Variants in COL28A1 observed in about 807,000 individuals in gnomAD.
The protein encoded by COL28A1 is collagen alpha-1(XXVIII) chain.
A neutral mutation model predicts 150.2 loss-of-function variants in COL28A1; 161 were observed. That is an observed-to-expected ratio of 1.07 (90% CI 0.94 to 1.22). The LOEUF (loss-of-function observed/expected upper bound fraction) is 1.22, where lower values mean the gene tolerates loss of function less well. COL28A1 is among the 50% of genes most tolerant of loss of function. The pLI is 0.00. For synonymous variants in COL28A1, 552 were observed against 469.7 expected (o/e 1.18, Z -2.26); for missense variants, 1,617 against 1,388.3 (o/e 1.16, Z -2.62).
At position 7,520,908 on chromosome 7, in the gene COL28A1, A is replaced by G. The variant is rs140882223; in HGVS notation, c.760-793T>C. Among the ~76,000 whole-genome samples, 5 of 152,328 alleles carry G rather than the reference A, an allele frequency of 3.3e-5. No individual in the cohort carries two copies. In the East Asian group the frequency reaches 9.6e-4, roughly 29 times the overall value. On this transcript the variant is annotated intron_variant, in intron 5 of 34. Transcript: ENST00000399429. The stretch of plus-strand genomic sequence containing the variant: ...TTTGCTTTAGCCAAAGTCAGCTTCT[A>G]CTGGCTGCCCCACTATCATATAACG...
At chr7:7,361,714 G>C (rs897503333) in intron 33 of COL28A1, among the ~76,000 whole-genome samples, 1 of 151,944 alleles carries the variant, frequency 6.6e-6, no homozygotes. Context: ...TTAAGTTCTA[G>C]TATAAAGACA....
chr7:7,350,655 CTTTTTTT>C, the COL28A1 span, among the ~76,000 whole-genome samples: 1 of 115,072 alleles, frequency 8.7e-6, no homozygotes, highest in Non-Finnish European at 1.7e-5. Context: ...GTTTTCTTTC[CTTTTTTT>C]TTTTTTTTTT....
intron 15 of COL28A1, among the ~76,000 whole-genome samples, chr7:7,462,267 C>T (rs1038326378): frequency 1.3e-5 from 2 of 152,128 alleles, no homozygotes; most frequent in East Asian, 1.9e-4. Context: ...ACAGGGCCTA[C>T]CCAAATGAGA....
upstream of COL28A1, among the ~76,000 whole-genome samples, chr7:7,540,607 G>C (rs1191629007): frequency 1.3e-5 from 2 of 152,192 alleles, no homozygotes; most frequent in African/African-American, 2.4e-5. Context: ...AAATGCCCTA[G>C]AAAATTTTTA....
the COL28A1 span, among the ~76,000 whole-genome samples, chr7:7,349,450 T>C: frequency 6.6e-6 from 1 of 152,152 alleles, no homozygotes; most frequent in African/African-American, 2.4e-5. Context: ...CCCTCAGTAC[T>C]TAGCTGAATG....
intron 11 of COL28A1, among the ~76,000 whole-genome samples, chr7:7,495,561 G>A (rs1780162852): frequency 6.6e-6 from 1 of 152,114 alleles, no homozygotes; most frequent in African/African-American, 2.4e-5. Flanking sequence ...TCAGGGAAGG[G>A]CACCAGAATC....
At chr7:7,375,023 C>T (rs1278410684) in intron 31 of COL28A1, among the ~76,000 whole-genome samples, 1 of 152,156 alleles carries the variant, frequency 6.6e-6, no homozygotes, top group Non-Finnish European at 1.5e-5. Flanking sequence ...GGACTGAGTA[C>T]AACTCAAAAC....
Position 7,437,443 on chromosome 7 carries a change from C to T in COL28A1, c.1742G>A (p.Gly581Asp), listed in dbSNP as rs748518072. 34 of 1,613,510 alleles carry T rather than the reference C, an allele frequency of 2.1e-5. No individual in the cohort carries two copies. The highest frequency in any genetic ancestry group is 2.8e-5 in the Non-Finnish European group (33 of 1,179,828). The part of the protein sequence containing the change: ...EGPKGEPGIM[G>D]PFGMPGTSIP... The stretch of plus-strand genomic sequence containing the variant: ...TGATGTTCCAGGCATTCCAAAAGGG[C>T]CCATAATGCCCGGTTCACCCTTAAA... The change falls in exon 22 of 35, where the codon GGC (glycine) becomes GAC (aspartate). Residue 581 changes from glycine (G) to aspartate (D), a missense_variant. Transcript: ENST00000399429.
At chr7:7,477,861 A>G (rs1351276209) in intron 13 of COL28A1, among the ~76,000 whole-genome samples, 3 of 152,106 alleles carry the variant, frequency 2.0e-5, no homozygotes, top group African/African-American at 7.2e-5. Context: ...TGATTGGTCC[A>G]TTTTACAGAG....
intron 21 of COL28A1, among the ~76,000 whole-genome samples, chr7:7,438,506 G>A (rs988355610): frequency 6.6e-6 from 1 of 152,122 alleles, no homozygotes; most frequent in African/African-American, 2.4e-5. Flanking sequence ...AGAGGTTGGG[G>A]CCCAGGATTA....
intron 33 of COL28A1, among the ~76,000 whole-genome samples, chr7:7,363,535 G>A (rs1467436996): frequency 6.6e-6 from 1 of 152,048 alleles, no homozygotes; most frequent in Non-Finnish European, 1.5e-5. Flanking sequence ...AAGCAAGCAT[G>A]TTAACTGAAA....
Position 7,453,474 on chromosome 7 carries a change from T to C in COL28A1, c.1406A>G (p.Gln469Arg), listed in dbSNP as rs1786879335. 2 of 1,302,376 alleles carry C rather than the reference T, an allele frequency of 1.5e-6. No individual in the cohort carries two copies. The highest frequency in any genetic ancestry group is 2.2e-6 in the Non-Finnish European group (2 of 897,592). 80.7% of individuals were successfully genotyped at this position (1,302,376 alleles called of 1,614,324 possible). A position where few individuals can be genotyped will look rare whatever the true frequency, so the allele number is the denominator to read the frequency against. The change falls in exon 17 of 35, where the codon CAA becomes CGA. Residue 469 changes from glutamine (Q) to arginine (R), a missense_variant. Physicochemically the swap from Gln to Arg is conservative, Grantham distance 43. Transcript: ENST00000399429. The stretch of plus-strand genomic sequence containing the variant: ...AGGTAAGCCCTGTCCTGCGGGCCCT[T>C]GTGGACCAGGTGGACCAATAGGACC... ...IQGPIGPPGPQGPAGQGLPGS... is the reference protein window; with the variant it reads ...IQGPIGPPGPRGPAGQGLPGS...
intron 15 of COL28A1, among the ~76,000 whole-genome samples, chr7:7,469,638 G>C (rs1190997931): frequency 0.014 from 1,132 of 83,834 alleles, no homozygotes; most frequent in Middle Eastern, 0.032. Flanking sequence ...CCAAAAAAGA[G>C]CCCGCATTGC....
chr7:7,340,544 A>C, the COL28A1 span, among the ~76,000 whole-genome samples: 1 of 152,124 alleles, frequency 6.6e-6, no homozygotes, highest in Non-Finnish European at 1.5e-5. Context: ...TTAGCAGGGA[A>C]TGATGCGGCC....
chr7:7,537,786 C>A (rs1359666018), upstream of COL28A1, among the ~76,000 whole-genome samples: 1 of 152,178 alleles, frequency 6.6e-6, no homozygotes, highest in East Asian at 1.9e-4. Context: ...TAGGGAACAA[C>A]CATGTATTTA....
intron 8 of COL28A1, 44 bp from the exon 9 acceptor site, chr7:7,511,179 C>T: frequency 7.1e-7 from 1 of 1,399,828 alleles, no homozygotes; most frequent in African/African-American, 1.4e-5. Context: ...CACTTGCAGT[C>T]ATTCACTATT....
chr7:7,442,926 T>C (rs1785924803), intron 20 of COL28A1, among the ~76,000 whole-genome samples: 5 of 151,952 alleles, frequency 3.3e-5, no homozygotes, highest in South Asian at 2.1e-4. Context: ...TCCCAGCTGC[T>C]TGGGAGGCTG....
At chr7:7,505,962 G>T in intron 11 of COL28A1, 52 bp downstream of exon 11, 1 of 875,778 alleles carries the variant, frequency 1.1e-6, no homozygotes, top group Non-Finnish European at 2.0e-6. Flanking sequence ...CATTACTATA[G>T]CGCACTAGGG....
Position 7,507,210 on chromosome 7 carries a change from G to A in COL28A1, c.928-49C>T, listed in dbSNP as rs189715977. The A allele has an allele frequency of 4.9e-6, 4 of 818,676 alleles. No individual in the cohort carries two copies. In the African/African-American group the frequency reaches 5.1e-5, roughly 10 times the overall value. 50.7% of individuals were successfully genotyped at this position (818,676 alleles called of 1,614,324 possible). On this transcript the variant is annotated intron_variant, in intron 9 of 34. Coordinates refer to ENST00000399429, the MANE Select transcript of COL28A1 (RefSeq NM_001037763.3). ...GTCTCTCTAAATATACATCTTCAAC[G>A]TGCAGTGATTTTAGGTAGGAGGGAA...
Sources: gnomAD v4.1 joint callset for allele counts (sites outside exome capture counted in the v4.1 genomes callset) on GRCh38, gnomAD v4.1.1 for gene constraint, MANE v1.5 for transcripts, NCBI Gene and HGNC (gene_info 2026-07-23, HGNC 2026-07-21) for gene names.